ADAMTS20: variants seen among roughly 807,000 people sequenced by gnomAD.
The protein encoded by ADAMTS20 is A disintegrin and metalloproteinase with thrombospondin motifs 20.
In ADAMTS20, 225 loss-of-function variants were observed where a neutral mutation model predicts 260.1. The ratio of observed to expected loss-of-function variants is 0.87; its 90% CI spans 0.78 to 0.97. The LOEUF (loss-of-function observed/expected upper bound fraction) is 0.97, where lower values mean the gene tolerates loss of function less well. Among genes scored for constraint, ADAMTS20 ranks in the 50% least tolerant of loss-of-function variants. The pLI, the probability that ADAMTS20 is intolerant of heterozygous loss-of-function variation, is 0.00. For synonymous variants in ADAMTS20, 802 were observed against 769.5 expected, an observed-to-expected ratio of 1.04 and a Z score of -0.70; for missense variants, 2,400 against 2,337.7, an observed-to-expected ratio of 1.03 and a Z score of -0.55.
At chr12:43,466,863 T>C in intron 8 of ADAMTS20, 68 bp from the exon 9 acceptor site, 1 of 1,155,206 alleles carries the variant, frequency 8.7e-7, no homozygotes, top group African/African-American at 1.6e-5. Flanking sequence ...ATAGATCCTT[T>C]ATAGTCACAT....
rs117230369 is a variant in ADAMTS20, at chr12:43,546,872, T to C, written c.453+4037A>G. 7.4e-4 allele frequency among the ~76,000 whole-genome samples: 112 copies of C among 152,198 alleles called. 1 individual carries two copies. The East Asian group carries it at 0.015, about 21-fold the overall frequency. ...TGGGATGAATAAATACTTACACTTA[T>C]GGAAAATAAAAATTATAGAGAAGAA... is the stretch of plus-strand genomic sequence containing the variant. On this transcript the variant is annotated intron_variant, in intron 2 of 38. Coordinates refer to ENST00000389420, the MANE Select transcript of ADAMTS20 (RefSeq NM_025003.5).
At chr12:43,405,335 T>C (rs1169291371) in intron 28 of ADAMTS20, among the ~76,000 whole-genome samples, 1 of 146,714 alleles carries the variant, frequency 6.8e-6, no homozygotes, top group African/African-American at 2.5e-5. Context: ...TGATGACTCT[T>C]GGAGCCCAGG....
intron 7 of ADAMTS20, among the ~76,000 whole-genome samples, chr12:43,479,256 T>C (rs1942406201): frequency 2.0e-5 from 3 of 152,170 alleles, no homozygotes; most frequent in Non-Finnish European, 4.4e-5. Flanking sequence ...ATTGTAAAAT[T>C]ATATGAAGAA....
intron 28 of ADAMTS20, among the ~76,000 whole-genome samples, chr12:43,406,400 CTAAATAATTCTTTAAATGATGTT>C (rs1940920522): frequency 6.6e-6 from 1 of 151,870 alleles, no homozygotes; most frequent in Admixed American, 6.6e-5. Context: ...AGCTATTTTG[CTAAATAATTCTTTAAATGATGTT>C]TGAGTGATTA....
chr12:43,549,765 G>T (rs1279020144), intron 2 of ADAMTS20, among the ~76,000 whole-genome samples: 1 of 152,110 alleles, frequency 6.6e-6, no homozygotes, highest in Non-Finnish European at 1.5e-5. Context: ...AATGGTTCTA[G>T]CCATTTCATG....
At chr12:43,534,248 C>T (rs900732568) in intron 2 of ADAMTS20, among the ~76,000 whole-genome samples, 1 of 147,718 alleles carries the variant, frequency 6.8e-6, no homozygotes, top group Middle Eastern at 3.4e-3. Flanking sequence ...GGCTAATATC[C>T]AGAATCTACA....
chr12:43,515,268 C>T (rs1284185561), intron 3 of ADAMTS20, among the ~76,000 whole-genome samples: 1 of 152,158 alleles, frequency 6.6e-6, no homozygotes, highest in Non-Finnish European at 1.5e-5. Flanking sequence ...TCTCTATTTA[C>T]TCCATCAATT....
intron 3 of ADAMTS20, among the ~76,000 whole-genome samples, chr12:43,521,111 A>C (rs1329332762): frequency 6.6e-6 from 1 of 152,210 alleles, no homozygotes; most frequent in East Asian, 1.9e-4. Context: ...AAGGTTAAAA[A>C]GTTAATAAGT....
intron 7 of ADAMTS20, among the ~76,000 whole-genome samples, chr12:43,489,676 TC>T (rs1373913712): frequency 1.3e-5 from 2 of 151,958 alleles, no homozygotes; most frequent in African/African-American, 4.8e-5. Flanking sequence ...ATTTGTTATA[TC>T]TTATAAATGT....
At chr12:43,456,986 G>A (rs549660987) in intron 11 of ADAMTS20, among the ~76,000 whole-genome samples, 1 of 152,258 alleles carries the variant, frequency 6.6e-6, no homozygotes, top group African/African-American at 2.4e-5. Flanking sequence ...CTTTAAAATG[G>A]AGAATCAAAG....
At position 43,427,359 on chromosome 12, in the gene ADAMTS20, C is replaced by A. The variant is rs781341989; in HGVS notation, c.4056G>T (p.Gln1352His). ...CDAASKPPEL[Q>H]QCGPGPCPQW... ...GTGGACAAGGCCCTGGACCACATTG[C>A]TGTAACTCTGGAGGCTTGGAGGCTG... The change falls in exon 27 of 39, where the codon CAG becomes CAT. Residue 1352 changes from glutamine (Q) to histidine (H), a missense_variant. By Grantham distance (24) the Gln-to-His change is conservative. Coordinates refer to ENST00000389420, the MANE Select transcript of ADAMTS20 (RefSeq NM_025003.5). 3.0e-5 allele frequency: 49 copies of A among 1,613,780 alleles called. No homozygotes were observed. Among genetic ancestry groups the A allele is most frequent in the Non-Finnish European group, 3.9e-5 (46 of 1,179,860 alleles).
intron 29 of ADAMTS20, among the ~76,000 whole-genome samples, chr12:43,390,634 T>C (rs536805668): frequency 5.9e-5 from 9 of 152,324 alleles, no homozygotes; most frequent in Admixed American, 5.9e-4. Context: ...TTTTGTTTTT[T>C]TGTTTGTTTT....
chr12:43,417,178 C>CA (rs1941148635), intron 28 of ADAMTS20, among the ~76,000 whole-genome samples: 1 of 152,122 alleles, frequency 6.6e-6, no homozygotes, highest in Admixed American at 6.6e-5. Context: ...TCTGGCAGTG[C>CA]AGTGGCCATG....
In ADAMTS20 at chr12:43,492,496, T is replaced by C. The variant is rs1409969370; in HGVS notation, c.1076+9A>G. 1 of 1,613,444 alleles carries C rather than the reference T, an allele frequency of 6.2e-7. No homozygotes were observed. Among genetic ancestry groups the C allele is most frequent in the South Asian group, 1.1e-5 (1 of 91,034 alleles). On this transcript the variant is annotated intron_variant, in intron 6 of 38. Transcript: ENST00000389420. ...GATTGTATGGGAAGGGTTATTTCTA[T>C]AATCATACCTAGTGATAAGAACAGC...
chr12:43,420,571 T>G (rs1300266554), intron 28 of ADAMTS20, among the ~76,000 whole-genome samples: 1 of 152,132 alleles, frequency 6.6e-6, no homozygotes, highest in Non-Finnish European at 1.5e-5. Context: ...TTGAAACTAT[T>G]TGCCTACACA....
chr12:43,543,281 T>C (rs1287866029), intron 2 of ADAMTS20, among the ~76,000 whole-genome samples: 1 of 151,988 alleles, frequency 6.6e-6, no homozygotes, highest in Non-Finnish European at 1.5e-5. Flanking sequence ...TTGCACTCCA[T>C]CCTGGGCAAC....
chr12:43,505,212 C>G (rs1002101012), intron 3 of ADAMTS20, among the ~76,000 whole-genome samples: 9 of 152,026 alleles, frequency 5.9e-5, no homozygotes, highest in African/African-American at 1.9e-4. Context: ...GAAAGTGTTT[C>G]ATAACATTGG....
rs566936119 is a variant in ADAMTS20 at position 43,358,777 on chromosome 12, C to T, written c.5539-2189G>A. Among the ~76,000 whole-genome samples, 24 of 139,016 alleles carry T rather than the reference C, an allele frequency of 1.7e-4. No individual in the cohort carries two copies. The South Asian group carries it at 2.9e-3, about 17-fold the overall frequency. 91.2% of individuals were successfully genotyped at this position (139,016 alleles called of 152,430 possible). A position where few individuals can be genotyped will look rare whatever the true frequency, so the allele number is the denominator to read the frequency against. ...GCGTGAACCCGGGAGGCGGAGCTTG[C>T]AGTGAGTCGAGATCGCGCCACTGCA... On this transcript the variant is annotated intron_variant, in intron 37 of 38. Transcript: ENST00000389420.
chr12:43,430,236 C>A, intron 23 of ADAMTS20, 116 bp downstream of exon 23: 1 of 1,228,522 alleles, frequency 8.1e-7, no homozygotes, highest in South Asian at 2.1e-5. Context: ...CACACATACA[C>A]GTGTTTAAGG....
Sources: gnomAD v4.1 joint callset for allele counts (sites outside exome capture counted in the v4.1 genomes callset) on GRCh38, gnomAD v4.1.1 for gene constraint, MANE v1.5 for transcripts, NCBI Gene and HGNC (gene_info 2026-07-23, HGNC 2026-07-21) for gene names.